ZMAT4: variants seen among roughly 807,000 people sequenced by gnomAD.
ZMAT4 encodes the protein zinc finger matrin-type protein 4.
A neutral mutation model predicts 28.7 loss-of-function variants in ZMAT4; 17 were observed. The observed-to-expected ratio is 0.59, with a 90% CI of 0.41 to 0.89. ZMAT4 has a LOEUF of 0.89. Ranked by LOEUF, ZMAT4 falls within the 40% of genes least tolerant of loss-of-function variation. The probability of loss-of-function intolerance (pLI) is 0.00; values close to 1 mark genes in which losing one functional copy is unlikely to be tolerated. For missense variants in ZMAT4, 240 were observed against 283.8 expected (o/e 0.85, Z 1.11); for synonymous variants, 117 against 109.2 (o/e 1.07, Z -0.44).
chr8:40,676,176 G>C (rs1808899898), intron 4 of ZMAT4, among the ~76,000 whole-genome samples: 1 of 152,030 alleles, frequency 6.6e-6, no homozygotes, highest in African/African-American at 2.4e-5. Context: ...ATCTAGTGAT[G>C]GGAAAAACAG....
At chr8:40,671,023 A>G (rs1047928048) in intron 5 of ZMAT4, among the ~76,000 whole-genome samples, 6 of 151,346 alleles carry the variant, frequency 4.0e-5, no homozygotes, top group Non-Finnish European at 8.8e-5. Flanking sequence ...AGCTGAGATC[A>G]TGCCACTGCA....
intron 1 of ZMAT4, among the ~76,000 whole-genome samples, chr8:40,831,234 C>G (rs1816269745): frequency 6.6e-6 from 1 of 152,164 alleles, no homozygotes; most frequent in African/African-American, 2.4e-5. Context: ...AGCTGAAACT[C>G]AGGCCTGTGA....
At chr8:40,774,368 C>T (rs1813503306) in intron 2 of ZMAT4, among the ~76,000 whole-genome samples, 1 of 152,020 alleles carries the variant, frequency 6.6e-6, no homozygotes, top group South Asian at 2.1e-4. Context: ...ATATATATAT[C>T]CATATTGGTG....
intron 3 of ZMAT4, among the ~76,000 whole-genome samples, chr8:40,704,794 A>C (rs1162072873): frequency 6.6e-6 from 1 of 152,234 alleles, no homozygotes; most frequent in Non-Finnish European, 1.5e-5. Flanking sequence ...TTTTCTTACC[A>C]ATATGACTGC....
chr8:40,635,175 C>T (rs1236789593), intron 5 of ZMAT4, among the ~76,000 whole-genome samples: 1 of 152,132 alleles, frequency 6.6e-6, no homozygotes, highest in Non-Finnish European at 1.5e-5. Flanking sequence ...AAAGCAATTT[C>T]ATTTGTGTGA....
intron 2 of ZMAT4, among the ~76,000 whole-genome samples, chr8:40,824,674 A>G (rs1467686912): frequency 6.6e-6 from 1 of 151,744 alleles, no homozygotes; most frequent in Non-Finnish European, 1.5e-5. Context: ...AAAGGAAAGA[A>G]AGAAAGCAAA....
At chr8:40,605,776 T>C (rs1162403240) in intron 5 of ZMAT4, among the ~76,000 whole-genome samples, 1 of 152,166 alleles carries the variant, frequency 6.6e-6, no homozygotes, top group African/African-American at 2.4e-5. Context: ...AAATTTCCCA[T>C]TATTATTGTG....
At chr8:40,585,191 A>G (rs1392081815) in intron 5 of ZMAT4, among the ~76,000 whole-genome samples, 1 of 152,160 alleles carries the variant, frequency 6.6e-6, no homozygotes, top group Non-Finnish European at 1.5e-5. Context: ...TGATTGTTCA[A>G]TTAAGAGTCC....
chr8:40,863,919 C>G (rs1027962693), intron 1 of ZMAT4, among the ~76,000 whole-genome samples: 1 of 152,156 alleles, frequency 6.6e-6, no homozygotes, highest in Non-Finnish European at 1.5e-5. Flanking sequence ...AATTATCACA[C>G]ATTATTTCAA....
chr8:40,780,104 A>G (rs184597617), intron 2 of ZMAT4, among the ~76,000 whole-genome samples: 14 of 151,928 alleles, frequency 9.2e-5, no homozygotes, highest in African/African-American at 2.9e-4. Context: ...CCCTACTGAA[A>G]CTCAGTACAG....
intron 2 of ZMAT4, among the ~76,000 whole-genome samples, chr8:40,804,595 C>T (rs1586080846): frequency 1.3e-5 from 2 of 152,186 alleles, no homozygotes; most frequent in Admixed American, 1.3e-4. Flanking sequence ...AATCCCAGCA[C>T]TTTGGGAGGC....
chr8:40,736,845 C>G (rs972630788), intron 3 of ZMAT4, among the ~76,000 whole-genome samples: 4 of 152,094 alleles, frequency 2.6e-5, no homozygotes, highest in Non-Finnish European at 2.9e-5. Flanking sequence ...CAGCTAACAA[C>G]AGAGACGAGG....
chr8:40,867,767 C>A (rs1223946245), intron 1 of ZMAT4, among the ~76,000 whole-genome samples: 3 of 152,122 alleles, frequency 2.0e-5, no homozygotes, highest in Non-Finnish European at 2.9e-5. Flanking sequence ...TTCTGCAAAC[C>A]TTTCCCCAGA....
intron 3 of ZMAT4, among the ~76,000 whole-genome samples, chr8:40,698,364 T>A (rs1809987908): frequency 6.6e-6 from 1 of 152,186 alleles, no homozygotes; most frequent in African/African-American, 2.4e-5. Flanking sequence ...TTACCTATAC[T>A]TATGAAGGGA....
At chr8:40,823,870 G>T (rs893397109) in intron 2 of ZMAT4, among the ~76,000 whole-genome samples, 3 of 152,258 alleles carry the variant, frequency 2.0e-5, no homozygotes, top group Admixed American at 1.3e-4. Context: ...CACAGGTGCT[G>T]ATTTTAAAAG....
At chr8:40,702,799 T>C (rs2150500045) in intron 3 of ZMAT4, among the ~76,000 whole-genome samples, 1 of 152,254 alleles carries the variant, frequency 6.6e-6, no homozygotes, top group South Asian at 2.1e-4. Context: ...TTGAGTTCAA[T>C]GTGAAGCAAT....
chr8:40,863,011 A>G (rs952680586), intron 1 of ZMAT4, among the ~76,000 whole-genome samples: 5 of 152,168 alleles, frequency 3.3e-5, no homozygotes, highest in Non-Finnish European at 7.3e-5. Flanking sequence ...CAGCCTGTGC[A>G]AAGGACTAAT....
At chr8:40,751,672 C>A (rs2150546748) in intron 3 of ZMAT4, among the ~76,000 whole-genome samples, 1 of 152,100 alleles carries the variant, frequency 6.6e-6, no homozygotes, top group East Asian at 1.9e-4. Flanking sequence ...GAAATAAGGT[C>A]AAGCTTAGGG....
intron 5 of ZMAT4, among the ~76,000 whole-genome samples, chr8:40,611,886 G>T (rs1300509593): frequency 3.9e-5 from 6 of 152,148 alleles, no homozygotes; most frequent in South Asian, 4.1e-4. Context: ...CAGAAAAAAT[G>T]TAGTACCAAA....
Sources: gnomAD v4.1 joint callset for allele counts (sites outside exome capture counted in the v4.1 genomes callset) on GRCh38, gnomAD v4.1.1 for gene constraint, MANE v1.5 for transcripts, NCBI Gene and HGNC (gene_info 2026-07-23, HGNC 2026-07-21) for gene names.